The following CD163L1 variants were observed in gnomAD, a reference collection of about 807,000 sequenced individuals.
CD163L1 encodes CD163 molecule like 1, also known as scavenger receptor cysteine-rich type 1 protein M160.
In CD163L1, 124 loss-of-function variants were observed where a neutral mutation model predicts 165.4. The ratio of observed to expected loss-of-function variants is 0.75; its 90% confidence interval spans 0.65 to 0.87. The LOEUF (loss-of-function observed/expected upper bound fraction) is 0.87, where lower values mean the gene tolerates loss of function less well. CD163L1 is among the 40% of genes least tolerant of loss of function. CD163L1 has a pLI of 0.00. For synonymous variants in CD163L1, 585 were observed against 662.2 expected, an observed-to-expected ratio of 0.88 and a Z score of 1.79; for missense variants, 1,525 against 1,799.9, an observed-to-expected ratio of 0.85 and a Z score of 2.76.
chr12:7,390,681 A>G (rs1286429176), intron 8 of CD163L1, among the ~76,000 whole-genome samples: 1 of 152,324 alleles, frequency 6.6e-6, no homozygotes, highest in East Asian at 1.9e-4. Context: ...GAAAATTTCA[A>G]GTCTATATCA....
chr12:7,443,010 T>C (rs1252406515), intron 1 of CD163L1, among the ~76,000 whole-genome samples: 1 of 152,222 alleles, frequency 6.6e-6, no homozygotes, highest in African/African-American at 2.4e-5. Flanking sequence ...TCCCATTCCT[T>C]TTCTAATTAG....
rs1363248712 is a variant in CD163L1, at chr12:7,421,466, T to TATATGTAC, written c.766+10949_766+10950insGTACATAT. Among the ~76,000 whole-genome samples, 2 of 92,878 alleles carry TATATGTAC rather than the reference T, an allele frequency of 2.2e-5. 1 individual carries two copies. Among genetic ancestry groups the TATATGTAC allele is most frequent in the East Asian group, 7.5e-4 (2 of 2,674 alleles). 60.9% of individuals were successfully genotyped at this position (92,878 alleles called of 152,430 possible). A position where few individuals can be genotyped will look rare whatever the true frequency, so the allele number is the denominator to read the frequency against. Reference sequence around the variant, plus strand: ...ATATACATATATGTACATATATACATATATATACATATATGTACATATATA... The same window carrying TATATGTAC: ...ATATACATATATGTACATATATACATATATGTACATATATACATATATGTACATATATA... On this transcript the variant is annotated intron_variant, in intron 4 of 19. Transcript: ENST00000313599.
At chr12:7,379,892 C>T (rs1947349229) in intron 8 of CD163L1, among the ~76,000 whole-genome samples, 1 of 150,132 alleles carries the variant, frequency 6.7e-6, no homozygotes, top group Non-Finnish European at 1.5e-5. Context: ...ATGAAAAATG[C>T]TCATCATCAC....
chr12:7,331,610 G>T, the CD163L1 span, among the ~76,000 whole-genome samples: 2 of 152,202 alleles, frequency 1.3e-5, no homozygotes, highest in African/African-American at 2.4e-5. Flanking sequence ...TCAGGCAGCA[G>T]CATTTGCGGT....
chr12:7,394,339 G>C (rs1004780570), intron 8 of CD163L1, among the ~76,000 whole-genome samples: 1 of 152,076 alleles, frequency 6.6e-6, no homozygotes, highest in African/African-American at 2.4e-5. Flanking sequence ...ACAAGAAATG[G>C]GGAAAGGATT....
chr12:7,398,223 A>G lies in CD163L1; in HGVS notation c.1729+41T>C, dbSNP rs1565794793. The stretch of plus-strand genomic sequence containing the variant: ...AGAAGCCCTTCCTATGAGGAATACT[A>G]TTTCTCTTATCAGGAAATAATAAAC... On this transcript the variant is annotated intron_variant, in intron 7 of 19. Transcript: ENST00000313599. The surrounding 1 kb of genome is among the most constrained non-coding windows in gnomAD (Gnocchi z 4.5). 6.4e-7 allele frequency: 1 copy of G among 1,564,846 alleles called. No individual in the cohort carries two copies. The highest frequency in any genetic ancestry group is 1.8e-5 in the Admixed American group (1 of 57,132).
In CD163L1 at chr12:7,426,350, T is replaced by G. The variant is rs866558735; in HGVS notation, c.766+6066A>C. Among the ~76,000 whole-genome samples, 67 of 152,140 alleles carry G rather than the reference T, an allele frequency of 4.4e-4. 2 individuals are homozygous for G. The highest frequency in any genetic ancestry group is 6.8e-3 in the Middle Eastern group (2 of 294). On this transcript the variant is annotated intron_variant, in intron 4 of 19. Coordinates refer to ENST00000313599, the MANE Select transcript of CD163L1 (RefSeq NM_174941.6). Reference sequence around the variant, plus strand: ...ACGAATACCTAATGCATGTGGGGCTTAAAACCTAGATGACAGGTTGATAGG... The same window carrying G: ...ACGAATACCTAATGCATGTGGGGCTGAAAACCTAGATGACAGGTTGATAGG...
chr12:7,437,142 ATTTTTATTATACTT>A (rs1565819990), intron 2 of CD163L1, among the ~76,000 whole-genome samples: 7 of 79,630 alleles, frequency 8.8e-5, no homozygotes, highest in Admixed American at 3.2e-4. Flanking sequence ...TTTATTTATT[ATTTTTATTATACTT>A]TTATTTTTAT....
the CD163L1 span, among the ~76,000 whole-genome samples, chr12:7,338,600 A>G: frequency 6.6e-6 from 1 of 152,160 alleles, no homozygotes; most frequent in African/African-American, 2.4e-5. Context: ...GTTCTTTTGC[A>G]GTGAGATGCT....
chr12:7,396,201 A>G lies in CD163L1; in HGVS notation c.1944T>C (p.Asp648=), dbSNP rs748509683. 1 of 1,614,184 alleles carries G rather than the reference A, an allele frequency of 6.2e-7. No individual in the cohort carries two copies. The highest frequency in any genetic ancestry group is 8.5e-7 in the Non-Finnish European group (1 of 1,180,032). The change falls in exon 8 of 20, where the codon GAT becomes GAC. Residue 648 remains aspartate (D), a synonymous_variant. Transcript: ENST00000313599. The part of the protein sequence containing the change: ...ASTGYGKIWL[D]DVSCDGDESD... ...ACTCATCTCCATCACAGGAAACATC[A>G]TCGAGCCAAATTTTTCCATATCCTG... is the stretch of plus-strand genomic sequence containing the variant.
At position 7,430,824 on chromosome 12, in the gene CD163L1, A is replaced by G. The variant is rs114512927; in HGVS notation, c.766+1592T>C. On this transcript the variant is annotated intron_variant, in intron 4 of 19. Transcript: ENST00000313599. ...CTACCTAGAGGAACAGAATGTCTCA[A>G]TGTTCTGAGGTGGGTTGGAAAATAT... is the stretch of plus-strand genomic sequence containing the variant. Among the ~76,000 whole-genome samples, 422 of 152,152 alleles carry G rather than the reference A, an allele frequency of 2.8e-3. 3 individuals are homozygous for G. The highest frequency in any genetic ancestry group is 9.6e-3 in the African/African-American group (399 of 41,514).
chr12:7,371,335 T>G (rs1947141745), intron 14 of CD163L1, among the ~76,000 whole-genome samples: 1 of 152,220 alleles, frequency 6.6e-6, no homozygotes, highest in African/African-American at 2.4e-5. Flanking sequence ...AACAAATTAC[T>G]ACCCAAAATA....
At chr12:7,421,604 C>CACATAT (rs1480013077) in intron 4 of CD163L1, among the ~76,000 whole-genome samples, 4 of 9,898 alleles carry the variant, frequency 4.0e-4, no homozygotes, top group South Asian at 3.9e-3. Context: ...CATATATGTA[C>CACATAT]ACATATACAT....
chr12:7,405,968 G>A (rs1169433576), intron 5 of CD163L1, among the ~76,000 whole-genome samples: 1 of 152,078 alleles, frequency 6.6e-6, no homozygotes, highest in African/African-American at 2.4e-5. Flanking sequence ...AACAGCGAGG[G>A]GTAACTTGCT....
chr12:7,407,061 A>G (rs749632732), intron 4 of CD163L1, among the ~76,000 whole-genome samples: 1 of 152,352 alleles, frequency 6.6e-6, no homozygotes, highest in Non-Finnish European at 1.5e-5. Context: ...AATCCACCAG[A>G]ATCTCTGGCA....
chr12:7,396,015 T>G, intron 8 of CD163L1, 80 bp downstream of exon 8: 1 of 1,147,676 alleles, frequency 8.7e-7, no homozygotes, highest in South Asian at 1.6e-5. Context: ...CGGTCATAAA[T>G]GTACTGACTA....
intron 8 of CD163L1, among the ~76,000 whole-genome samples, chr12:7,392,946 A>G (rs1286492683): frequency 1.3e-5 from 2 of 152,158 alleles, no homozygotes; most frequent in African/African-American, 2.4e-5. Context: ...TACCAACCAA[A>G]AAAAGTCCAG....
chr12:7,325,853 C>T, the CD163L1 span, among the ~76,000 whole-genome samples: 1 of 152,172 alleles, frequency 6.6e-6, no homozygotes, highest in Non-Finnish European at 1.5e-5. Flanking sequence ...TTGTCAGCAT[C>T]GTTCCACATC....
At chr12:7,352,707 CA>C (rs1946715792), downstream of CD163L1, among the ~76,000 whole-genome samples, 1 of 151,990 alleles carries the variant, frequency 6.6e-6, no homozygotes, top group East Asian at 1.9e-4. Context: ...AAAATAAAAA[CA>C]AGAATAAAAA....
Sources: allele counts gnomAD v4.1 joint callset (sites outside exome capture counted in the v4.1 genomes callset), GRCh38; gene constraint gnomAD v4.1.1; non-coding constraint Gnocchi (gnomAD v3.1); transcripts MANE v1.5; gene names NCBI Gene and HGNC (gene_info 2026-07-23, HGNC 2026-07-21).